The following ZNF678 variants were observed in gnomAD, a reference collection of about 807,000 sequenced individuals.
The protein encoded by ZNF678 is zinc finger protein 678.
Under a neutral mutation model 3.0 loss-of-function variants are expected in ZNF678, and 5 were observed. The observed-to-expected ratio is 1.69, with a 90% CI of 0.88 to 3.56. The LOEUF (loss-of-function observed/expected upper bound fraction) is 3.56, where lower values mean the gene tolerates loss of function less well. Ranked by LOEUF, ZNF678 falls within the 30% of genes most tolerant of loss-of-function variation. The pLI is 0.00. For missense variants in ZNF678, 593 were observed against 605.0 expected, an observed-to-expected ratio of 0.98 and a Z score of 0.21; for synonymous variants, 218 against 199.6, an observed-to-expected ratio of 1.09 and a Z score of -0.78.
rs1052273381 is a variant in ZNF678, at chr1:227,661,053, C to T, written c.*5225C>T. The T allele has an allele frequency of 3.5e-4, 53 of 152,280 alleles. 1 individual carries two copies. Among genetic ancestry groups the T allele is most frequent in the East Asian group, 1.5e-3 (8 of 5,190 alleles). 9.4% of individuals were successfully genotyped at this position (152,280 alleles called of 1,614,324 possible). A position where few individuals can be genotyped will look rare whatever the true frequency, so the allele number is the denominator to read the frequency against. On this transcript the variant is annotated 3_prime_UTR_variant, in exon 4 of 4. Transcript: ENST00000343776. The stretch of plus-strand genomic sequence containing the variant: ...ACAAAGGCATCATATGTTACATTCT[C>T]GTGACATATAATGTCTACTGCTTAT...
intron 1 of ZNF678, among the ~76,000 whole-genome samples, chr1:227,587,502 A>G (rs115818602): frequency 0.01 from 1,585 of 152,328 alleles, 12 homozygotes; most frequent in Non-Finnish European, 0.017. Flanking sequence ...AGAATAGAAT[A>G]GAGTTTGCTT....
intron 1 of ZNF678, among the ~76,000 whole-genome samples, chr1:227,610,304 C>T (rs115112410): frequency 6.6e-6 from 1 of 152,138 alleles, no homozygotes; most frequent in Non-Finnish European, 1.5e-5. Context: ...AATAATATTT[C>T]CACATACTTT....
intron 1 of ZNF678, among the ~76,000 whole-genome samples, chr1:227,581,870 C>T (rs901536616): frequency 1.1e-4 from 17 of 152,182 alleles, no homozygotes; most frequent in Non-Finnish European, 1.3e-4. Context: ...TTTACATTTC[C>T]ACCAGCAGCG....
At chr1:227,610,351 A>C (rs1657986085) in intron 1 of ZNF678, among the ~76,000 whole-genome samples, 1 of 152,256 alleles carries the variant, frequency 6.6e-6, no homozygotes, top group Non-Finnish European at 1.5e-5. Flanking sequence ...AAAAACCTAC[A>C]TATATAGTAG....
At chr1:227,644,715 T>C (rs1013273608) in intron 1 of ZNF678, among the ~76,000 whole-genome samples, 7 of 152,184 alleles carry the variant, frequency 4.6e-5, no homozygotes, top group Admixed American at 2.0e-4. Flanking sequence ...TATATGCACA[T>C]TGAAGTTCCA....
At chr1:227,593,460 A>G (rs1657471740) in intron 1 of ZNF678, among the ~76,000 whole-genome samples, 1 of 152,190 alleles carries the variant, frequency 6.6e-6, no homozygotes. Context: ...TGGACCAGCT[A>G]TGGCATGAAA....
At chr1:227,650,813 G>A (rs67511833) in intron 2 of ZNF678, 143 bp from the exon 3 acceptor site, 123,838 of 563,794 alleles carry the variant, frequency 0.22, 15,524 homozygotes, top group East Asian at 0.45. Context: ...TTTATATTCT[G>A]CCAATTTACT....
intron 1 of ZNF678, among the ~76,000 whole-genome samples, chr1:227,623,864 C>G (rs997143079): frequency 2.0e-5 from 3 of 152,120 alleles, no homozygotes; most frequent in Non-Finnish European, 4.4e-5. Context: ...CTGCAGCATT[C>G]TTTTGCATAT....
intron 1 of ZNF678, among the ~76,000 whole-genome samples, chr1:227,565,996 C>G (rs931073359): frequency 6.6e-6 from 1 of 152,106 alleles, no homozygotes; most frequent in African/African-American, 2.4e-5. Context: ...CTCCTGACCT[C>G]GTGATCCGCC....
At chr1:227,667,228 G>T (rs553145680), downstream of ZNF678, among the ~76,000 whole-genome samples, 1 of 151,802 alleles carries the variant, frequency 6.6e-6, no homozygotes, top group Non-Finnish European at 1.5e-5. Context: ...TAGAGACAGG[G>T]TTTTGCCATG....
chr1:227,566,536 C>T lies in ZNF678; in HGVS notation c.-164+2812C>T, dbSNP rs527523597. Among the ~76,000 whole-genome samples, 21 of 152,220 alleles carry T rather than the reference C, an allele frequency of 1.4e-4. No individual in the cohort carries two copies. The East Asian group carries it at 2.5e-3, about 18-fold the overall frequency. On this transcript the variant is annotated intron_variant, in intron 1 of 3. Coordinates refer to ENST00000343776, the MANE Select transcript of ZNF678 (RefSeq NM_001367909.1). ...AATGGTCAGTGAGCACTTCAGTGAG[C>T]AGAATGAGGGGTGGGAGAATGTCCC...
At chr1:227,572,014 C>T (rs767546012) in intron 1 of ZNF678, among the ~76,000 whole-genome samples, 6 of 152,148 alleles carry the variant, frequency 3.9e-5, no homozygotes, top group Admixed American at 6.5e-5. Flanking sequence ...TGCACTCCAG[C>T]GTGGGCAACA....
intron 1 of ZNF678, among the ~76,000 whole-genome samples, chr1:227,575,744 T>A (rs565171328): frequency 5.9e-5 from 9 of 152,276 alleles, no homozygotes; most frequent in African/African-American, 2.2e-4. Context: ...TTTTTTTCTC[T>A]TGCCTGATTG....
At chr1:227,623,555 C>G (rs997215157) in intron 1 of ZNF678, among the ~76,000 whole-genome samples, 1 of 152,176 alleles carries the variant, frequency 6.6e-6, no homozygotes, top group Non-Finnish European at 1.5e-5. Context: ...TCCTTCCTTT[C>G]ACTCAACATT....
At chr1:227,648,766 G>A (rs1659019614) in intron 2 of ZNF678, among the ~76,000 whole-genome samples, 1 of 152,048 alleles carries the variant, frequency 6.6e-6, no homozygotes, top group African/African-American at 2.4e-5. Context: ...GCTGCAGCAA[G>A]CAGCCACTGC....
At chr1:227,594,376 A>G (rs1657506803) in intron 1 of ZNF678, among the ~76,000 whole-genome samples, 1 of 152,292 alleles carries the variant, frequency 6.6e-6, no homozygotes, top group Middle Eastern at 3.4e-3. Context: ...GTAAGATTTT[A>G]TGGACTCTTT....
rs148178197 is a variant in ZNF678 at position 227,599,576 on chromosome 1, T to C, written c.-164+35852T>C. 2.4e-4 allele frequency among the ~76,000 whole-genome samples: 37 copies of C among 152,344 alleles called. No homozygotes were observed. The East Asian group carries it at 6.9e-3, about 29-fold the overall frequency. On this transcript the variant is annotated intron_variant, in intron 1 of 3. Transcript: ENST00000343776. ...TATGTCATAAAATATGAGATTATTT[T>C]ACATTTTGTATTAATTAGATTTTAG...
In ZNF678 at chr1:227,655,826, T is replaced by G. The variant is rs1042840144; in HGVS notation, c.1576T>G (p.Ter526GluextTer10). 19 of 1,557,602 alleles carry G rather than the reference T, an allele frequency of 1.2e-5. No individual in the cohort carries two copies. The highest frequency in any genetic ancestry group is 1.6e-5 in the Non-Finnish European group (19 of 1,157,026). ...PDKCKKCGSL[*>E] ...CAAATGTAAAAAATGTGGCAGTCTT[T>G]AAAAACTGCTTCATTATACATGGCT... The change falls in exon 4 of 4, where the codon TAA (stop) becomes GAA (glutamate). Residue 526 changes from the stop codon to glutamate (E), a stop_lost. Transcript: ENST00000343776.
chr1:227,650,860 T>C (rs1659072880), intron 2 of ZNF678, 96 bp from the exon 3 acceptor site: 3 of 879,102 alleles, frequency 3.4e-6, no homozygotes, highest in Non-Finnish European at 5.2e-6. Flanking sequence ...TTTCTACATA[T>C]AAGATAATGT....
Sources: allele counts gnomAD v4.1 joint callset (sites outside exome capture counted in the v4.1 genomes callset), GRCh38; gene constraint gnomAD v4.1.1; transcripts MANE v1.5; gene names NCBI Gene and HGNC (gene_info 2026-07-23, HGNC 2026-07-21).